Variants in ADGRL3 observed in about 807,000 individuals in gnomAD.
ADGRL3 encodes calcium-independent alpha-latrotoxin receptor 3.
In ADGRL3, 62 loss-of-function variants were observed where a neutral mutation model predicts 153.5. The ratio of observed to expected loss-of-function variants is 0.40; its 90% confidence interval spans 0.33 to 0.50. The LOEUF (loss-of-function observed/expected upper bound fraction) is 0.50, where lower values mean the gene tolerates loss of function less well. Ranked by LOEUF, ADGRL3 falls within the 20% of genes least tolerant of loss-of-function variation. The probability of loss-of-function intolerance (pLI) is 0.47; values close to 1 mark genes in which losing one functional copy is unlikely to be tolerated. For missense variants in ADGRL3, 1,641 were observed against 1,859.4 expected (o/e 0.88, Z 2.16); for synonymous variants, 710 against 672.5 (o/e 1.06, Z -0.86).
rs746914595 is a variant in ADGRL3 at position 62,028,862 on chromosome 4, G to A, written c.3403G>A (p.Asp1135Asn). The A allele has an allele frequency of 6.9e-6, 11 of 1,605,462 alleles. No homozygotes were observed. The highest frequency in any genetic ancestry group is 6.8e-6 in the Non-Finnish European group (8 of 1,175,330). The change falls in exon 22 of 27, where the codon GAT (aspartate) becomes AAT (asparagine). Residue 1135 changes from aspartate to asparagine, a missense_variant. Asp to Asn is a conservative substitution (Grantham distance 23). Coordinates refer to ENST00000683033, the MANE Select transcript of ADGRL3 (RefSeq NM_001387552.1). ...TGTCTATGCATTCTTTAGCTATGAG[G>A]ATAACAGACCCTTCATCAAGTAAGA... is the stretch of plus-strand genomic sequence containing the variant. ...SGCLDNINYE[D>N]NRPFIKSWVI... is the part of the protein sequence containing the mutation.
In ADGRL3 at chr4:61,517,481, C is replaced by T. The variant is rs1295874500; in HGVS notation, c.222C>T (p.Arg74=). 2.7e-6 allele frequency: 2 copies of T among 732,260 alleles called. No homozygotes were observed. The highest frequency in any genetic ancestry group is 2.9e-5 in the South Asian group (2 of 68,078). The allele number at this position is 732,260 out of a possible 1,614,324, so 45.4% of individuals were successfully genotyped here. ...CCCGTGGAGCTACCAGAGGAGTTCG[C>T]GGTCCAGGTGCCCAAGGAGCACAGA... ...QGPRGATRGV[R]GPGAQGAQIA... The change falls in exon 4 of 27, where the codon CGC becomes CGT. Residue 74 remains arginine (R), a synonymous_variant. Transcript: ENST00000683033.
At chr4:62,013,248 T>C (rs79925263) in intron 21 of ADGRL3, among the ~76,000 whole-genome samples, 1,909 of 152,154 alleles carry the variant, frequency 0.013, 26 homozygotes, top group Middle Eastern at 0.048. Context: ...TTTGTTGTTA[T>C]AGGCTGGGCA....
At position 61,601,474 on chromosome 4, in the gene ADGRL3, T is replaced by C. The variant is rs182093099; in HGVS notation, c.473+14034T>C. 1.6e-3 allele frequency among the ~76,000 whole-genome samples: 243 copies of C among 152,330 alleles called. 1 individual carries two copies. Among genetic ancestry groups the C allele is most frequent in the Non-Finnish European group, 2.9e-3 (200 of 68,020 alleles). On this transcript the variant is annotated intron_variant, in intron 5 of 26. Coordinates refer to ENST00000683033, the MANE Select transcript of ADGRL3 (RefSeq NM_001387552.1). ...AGCTCTACTCAATGAATTCAAACTA[T>C]TAATTCCCATGGAGAACAATAAACT... is the stretch of plus-strand genomic sequence containing the variant.
chr4:61,785,988 C>T (rs566476461), intron 8 of ADGRL3, among the ~76,000 whole-genome samples: 8 of 152,080 alleles, frequency 5.3e-5, no homozygotes, highest in East Asian at 3.9e-4. Context: ...CATTCCAGGC[C>T]GGGTGACAGA....
chr4:61,352,532 G>A (rs2096071125), intron 1 of ADGRL3, among the ~76,000 whole-genome samples: 1 of 151,742 alleles, frequency 6.6e-6, no homozygotes, highest in Non-Finnish European at 1.5e-5. Context: ...TTACAGGCAC[G>A]CAACACCACC....
At chr4:61,384,228 T>C (rs554209115) in intron 2 of ADGRL3, among the ~76,000 whole-genome samples, 2 of 151,986 alleles carry the variant, frequency 1.3e-5, no homozygotes, top group African/African-American at 4.8e-5. Context: ...GTCATTGTTT[T>C]CTTCCCCCTA....
At chr4:61,431,695 A>G (rs956451838) in intron 2 of ADGRL3, among the ~76,000 whole-genome samples, 8 of 152,208 alleles carry the variant, frequency 5.3e-5, no homozygotes, top group Admixed American at 2.6e-4. Context: ...TAAGAGGCGG[A>G]CTAGTATTAA....
chr4:62,064,757 A>G (rs974439710), intron 25 of ADGRL3, among the ~76,000 whole-genome samples: 5 of 151,702 alleles, frequency 3.3e-5, no homozygotes, highest in African/African-American at 1.2e-4. Flanking sequence ...GCAGAAAAGG[A>G]TATATTTGTT....
At chr4:61,308,937 T>A (rs1282983788) in intron 1 of ADGRL3, among the ~76,000 whole-genome samples, 1 of 152,210 alleles carries the variant, frequency 6.6e-6, no homozygotes, top group Non-Finnish European at 1.5e-5. Context: ...TGATACTATT[T>A]GGCCACTTCA....
intron 5 of ADGRL3, among the ~76,000 whole-genome samples, chr4:61,624,743 C>A (rs2092730603): frequency 6.6e-6 from 1 of 151,962 alleles, no homozygotes; most frequent in African/African-American, 2.4e-5. Flanking sequence ...TCTACCTATG[C>A]TTTGAATCTA....
chr4:61,200,797 GGCGGCGCAGAGCCCGGGGCC>G lies in ADGRL3; in HGVS notation c.-1204_-1185del, dbSNP rs1379838874. Among the ~76,000 whole-genome samples, 9 of 152,098 alleles carry G rather than the reference GGCGGCGCAGAGCCCGGGGCC, an allele frequency of 5.9e-5. No homozygotes were observed. Among genetic ancestry groups the G allele is most frequent in the African/African-American group, 2.2e-4 (9 of 41,442 alleles). The stretch of plus-strand genomic sequence containing the variant: ...GAGAAAGAACCGAAGAGACAGCGGC[GGCGGCGCAGAGCCCGGGGCC>G]GCGCGATGAAGCTCCCACATGCCCG... On this transcript the variant is annotated 5_prime_UTR_variant, in exon 1 of 27. Transcript: ENST00000683033.
intron 2 of ADGRL3, among the ~76,000 whole-genome samples, chr4:61,426,383 C>T (rs2097280862): frequency 6.6e-6 from 1 of 152,200 alleles, no homozygotes; most frequent in Non-Finnish European, 1.5e-5. Context: ...TGGACCGCAA[C>T]AGCAGTCCAG....
chr4:61,422,556 T>G (rs1442568215), intron 2 of ADGRL3, among the ~76,000 whole-genome samples: 1 of 152,168 alleles, frequency 6.6e-6, no homozygotes, highest in Non-Finnish European at 1.5e-5. Flanking sequence ...AGATTTTTTC[T>G]GTAAACGTGA....
chr4:61,755,028 A>G (rs2152097539), intron 8 of ADGRL3, among the ~76,000 whole-genome samples: 1 of 152,300 alleles, frequency 6.6e-6, no homozygotes, highest in Non-Finnish European at 1.5e-5. Flanking sequence ...ATTGTTGGAC[A>G]TTTGGTTGGT....
chr4:61,654,548 T>TA (rs2094385179), intron 5 of ADGRL3, among the ~76,000 whole-genome samples: 1 of 151,998 alleles, frequency 6.6e-6, no homozygotes, highest in Non-Finnish European at 1.5e-5. Flanking sequence ...TATTATTTTT[T>TA]AAAATAAAAA....
rs1410072563 is a variant in ADGRL3, at chr4:61,912,841, A to C, written c.2112+84A>C. On this transcript the variant is annotated intron_variant, in intron 13 of 26. Transcript: ENST00000683033. ...TGAATGGACACCTGATAGAAAAATG[A>C]TAATGTACCTTACTGAAATAAAGGA... is the stretch of plus-strand genomic sequence containing the variant. 3.2e-6 allele frequency: 4 copies of C among 1,254,084 alleles called. No homozygotes were observed. In the Admixed American group the frequency reaches 7.1e-5, roughly 22 times the overall value. 77.7% of individuals were successfully genotyped at this position (1,254,084 alleles called of 1,614,324 possible).
chr4:61,834,199 A>G (rs1276646295), intron 9 of ADGRL3, among the ~76,000 whole-genome samples: 1 of 147,364 alleles, frequency 6.8e-6, no homozygotes, highest in Non-Finnish European at 1.5e-5. Flanking sequence ...CCTATGAGTG[A>G]GAACATGCGG....
At chr4:61,307,375 TCA>T (rs2094829366) in intron 1 of ADGRL3, among the ~76,000 whole-genome samples, 1 of 152,214 alleles carries the variant, frequency 6.6e-6, no homozygotes. Context: ...TATCACTATT[TCA>T]CAGATTTCAC....
intron 6 of ADGRL3, among the ~76,000 whole-genome samples, chr4:61,711,529 G>C (rs1253670255): frequency 1.8e-5 from 2 of 111,738 alleles, no homozygotes; most frequent in African/African-American, 6.7e-5. Context: ...CATGATTGTA[G>C]AACTGTTAAA....
Sources: gnomAD v4.1 joint callset for allele counts (sites outside exome capture counted in the v4.1 genomes callset) on GRCh38, gnomAD v4.1.1 for gene constraint, MANE v1.5 for transcripts, NCBI Gene and HGNC (gene_info 2026-07-23, HGNC 2026-07-21) for gene names.